The following PPIP5K1 variants were observed in gnomAD, a reference collection of about 807,000 sequenced individuals.
PPIP5K1 encodes the protein inositol hexakisphosphate and diphosphoinositol-pentakisphosphate kinase 1.
Under a neutral mutation model 27.7 loss-of-function variants are expected in PPIP5K1, and 6 were observed. The ratio of observed to expected loss-of-function variants is 0.22; its 90% CI spans 0.12 to 0.43. PPIP5K1 has a LOEUF of 0.43. Among genes scored for constraint, PPIP5K1 ranks in the 20% least tolerant of loss-of-function variants. The pLI is 1.00. For synonymous variants in PPIP5K1, 145 were observed against 242.6 expected (o/e 0.60, Z 3.74); for missense variants, 394 against 635.4 (o/e 0.62, Z 4.08).
chr15:43,579,568 CAT>C (rs2084742829), intron 10 of PPIP5K1, among the ~76,000 whole-genome samples: 1 of 56,342 alleles, frequency 1.8e-5, no homozygotes, highest in Non-Finnish European at 2.6e-5. Context: ...TATATACGTA[CAT>C]ATATACACAT....
intron 30 of PPIP5K1, among the ~76,000 whole-genome samples, chr15:43,558,332 A>T (rs2083290338): frequency 6.6e-6 from 1 of 151,092 alleles, no homozygotes; most frequent in South Asian, 2.1e-4. Flanking sequence ...GGTTCAAGCG[A>T]TTCTCCTGCC....
rs147752806 is a variant in PPIP5K1, at chr15:43,542,194, C to T, written c.3557-2611G>A. ...TGAACTACAGTTCTCACTGAAAAGG[C>T]AGAATGTTTATTTCCCTTTAATTGG... On this transcript the variant is annotated intron_variant, in intron 30 of 31. Coordinates refer to ENST00000420765, the MANE Select transcript of PPIP5K1 (RefSeq NM_001394395.1). Among the ~76,000 whole-genome samples, 495 of 151,700 alleles carry T rather than the reference C, an allele frequency of 3.3e-3. 2 individuals are homozygous for T. Among genetic ancestry groups the T allele is most frequent in the Non-Finnish European group, 6.0e-3 (408 of 67,998 alleles).
At position 43,534,214 on chromosome 15, in the gene PPIP5K1, G is replaced by GCT. The variant is rs1595663576; in HGVS notation, c.*459_*460insAG. On this transcript the variant is annotated 3_prime_UTR_variant, in exon 32 of 32. Transcript: ENST00000420765. ...TCTTTTGCATTTGCTGTCGCCAGAT[G>GCT]GTGTCTTCAGCAGTGAAGCGGCATT... The GCT allele has an allele frequency of 6.5e-6, 1 of 154,788 alleles. No individual in the cohort carries two copies. The highest frequency in any genetic ancestry group is 1.9e-4 in the East Asian group (1 of 5,228). 9.6% of individuals were successfully genotyped at this position (154,788 alleles called of 1,614,324 possible).
chr15:43,543,065 T>C (rs1425621472), intron 30 of PPIP5K1, among the ~76,000 whole-genome samples: 1 of 151,852 alleles, frequency 6.6e-6, no homozygotes, highest in Non-Finnish European at 1.5e-5. Context: ...CTTTACAACA[T>C]GCTGCAAGAT....
intron 30 of PPIP5K1, among the ~76,000 whole-genome samples, chr15:43,551,606 G>GTTTTTTTTTGTT (rs2082202023): frequency 1.9e-5 from 2 of 105,462 alleles, no homozygotes; most frequent in African/African-American, 1.0e-4. Flanking sequence ...TCTTGATTCA[G>GTTTTTTTTTGTT]TTTTTTTTTT....
intron 30 of PPIP5K1, among the ~76,000 whole-genome samples, chr15:43,552,522 T>A (rs1180732890): frequency 7.8e-6 from 1 of 127,430 alleles, no homozygotes; most frequent in Admixed American, 8.2e-5. Flanking sequence ...TGAAACTCTG[T>A]CTCTATAAAA....
intron 31 of PPIP5K1, chr15:43,536,019 G>T (rs2079797962): frequency 9.1e-7 from 1 of 1,104,426 alleles, no homozygotes; most frequent in Non-Finnish European, 1.2e-6. Context: ...ATTCTTTAAA[G>T]CAATCAATGT....
At chr15:43,539,340 T>G (rs924928254) in intron 31 of PPIP5K1, 130 bp downstream of exon 31, 8 of 705,202 alleles carry the variant, frequency 1.1e-5, no homozygotes, top group African/African-American at 1.1e-4. Flanking sequence ...CAGATGAGAC[T>G]GCTTCCCAGA....
At position 43,535,321 on chromosome 15, in the gene PPIP5K1, C is replaced by T. The variant is rs1372269679; in HGVS notation, c.3826G>A (p.Gly1276Arg). 2.5e-6 allele frequency: 4 copies of T among 1,614,182 alleles called. No individual in the cohort carries two copies. The East Asian group carries it at 6.7e-5, about 27-fold the overall frequency. ...QGLGLLQETPGSGAQELSIEG... is the reference protein window; with the variant it reads ...QGLGLLQETPRSGAQELSIEG... Reference sequence around the variant, plus strand: ...ATGGAGAGCTCTTGTGCTCCACTCCCAGGGGTCTCCTGGAGCAGCCCAAGG... The same window carrying T: ...ATGGAGAGCTCTTGTGCTCCACTCCTAGGGGTCTCCTGGAGCAGCCCAAGG... Residue 1276 changes from glycine (G) to arginine (R), a missense_variant, in exon 32 of 32, where the codon GGG becomes AGG. Gly to Arg is a moderately radical substitution (Grantham distance 125). Coordinates refer to ENST00000420765, the MANE Select transcript of PPIP5K1 (RefSeq NM_001394395.1).
chr15:43,546,975 A>G (rs1463004642), intron 30 of PPIP5K1, among the ~76,000 whole-genome samples: 1 of 152,164 alleles, frequency 6.6e-6, no homozygotes, highest in Non-Finnish European at 1.5e-5. Flanking sequence ...TAATTTTTTG[A>G]GGAACAAACT....
intron 30 of PPIP5K1, among the ~76,000 whole-genome samples, chr15:43,540,555 G>A (rs900936899): frequency 2.0e-5 from 3 of 151,704 alleles, no homozygotes; most frequent in African/African-American, 7.3e-5. Context: ...AAATTAGCCG[G>A]GTGTAGTGGC....
chr15:43,534,327 C>G lies in PPIP5K1; in HGVS notation c.*347G>C. 5.2e-6 allele frequency: 1 copy of G among 192,442 alleles called. No individual in the cohort carries two copies. Among genetic ancestry groups the G allele is most frequent in the Non-Finnish European group, 1.1e-5 (1 of 94,470 alleles). 11.9% of individuals were successfully genotyped at this position (192,442 alleles called of 1,614,324 possible). Reference sequence around the variant, plus strand: ...CACCCCAAGGAAATCCTATTCAAGTCTAATGGCTAAGTGAGGAGCCAATGG... The same window carrying G: ...CACCCCAAGGAAATCCTATTCAAGTGTAATGGCTAAGTGAGGAGCCAATGG... On this transcript the variant is annotated 3_prime_UTR_variant, in exon 32 of 32. Coordinates refer to ENST00000420765, the MANE Select transcript of PPIP5K1 (RefSeq NM_001394395.1).
chr15:43,535,014 G>C lies in PPIP5K1; in HGVS notation c.4133C>G (p.Ser1378Cys). Residue 1378 changes from serine to cysteine, a missense_variant, in exon 32 of 32, where the codon TCT becomes TGT. Transcript: ENST00000420765. ...CAGACATAGCTGGCAAACTTCCTCA[G>C]AGACTTTCTGGCACAGTTGGCTGGA... ...QKSSQLCQKV[S>C]EEVCQLCLEN... is the part of the protein sequence containing the mutation. The C allele has an allele frequency of 6.2e-7, 1 of 1,613,848 alleles. No individual in the cohort carries two copies. The highest frequency in any genetic ancestry group is 8.5e-7 in the Non-Finnish European group (1 of 1,179,934).
At chr15:43,557,865 C>G (rs1448652700) in intron 30 of PPIP5K1, among the ~76,000 whole-genome samples, 3 of 133,978 alleles carry the variant, frequency 2.2e-5, no homozygotes, top group African/African-American at 5.6e-5. Context: ...AGATGGGGGT[C>G]TCACTATGTT....
At position 43,535,185 on chromosome 15, in the gene PPIP5K1, A is replaced by C; in HGVS notation, c.3962T>G (p.Ile1321Ser). Residue 1321 changes from isoleucine (I) to serine (S), a missense_variant, in exon 32 of 32, where the codon ATC becomes AGC. This residue lies in a region of PPIP5K1 where 379 missense variants were observed against 423.9 expected (regional missense o/e 0.89). Coordinates refer to ENST00000420765, the MANE Select transcript of PPIP5K1 (RefSeq NM_001394395.1). ...VSQPCQEVPDISQPCQDISEA... is the reference protein window; with the variant it reads ...VSQPCQEVPDSSQPCQDISEA... ...AGAAATGTCCTGGCATGGCTGGCTG[A>C]TGTCAGGGACCTCCTGACATGGCTG... is the stretch of plus-strand genomic sequence containing the variant. 6.2e-7 allele frequency: 1 copy of C among 1,612,948 alleles called. No homozygotes were observed. Among genetic ancestry groups the C allele is most frequent in the South Asian group, 1.1e-5 (1 of 91,022 alleles).
chr15:43,552,394 G>C (rs1370591062), intron 30 of PPIP5K1, among the ~76,000 whole-genome samples: 1 of 151,518 alleles, frequency 6.6e-6, no homozygotes, highest in Admixed American at 6.6e-5. Context: ...GTTCTTCTTC[G>C]ACTCATTTGT....
At chr15:43,579,631 G>GTATATATA (rs1377430959) in intron 10 of PPIP5K1, among the ~76,000 whole-genome samples, 1 of 35,720 alleles carries the variant, frequency 2.8e-5, no homozygotes, top group Non-Finnish European at 3.9e-5. Flanking sequence ...GTGTGTGTGT[G>GTATATATA]TATATATATA....
chr15:43,558,710 G>C (rs2083369165), intron 30 of PPIP5K1, 85 bp downstream of exon 30: 3 of 1,554,280 alleles, frequency 1.9e-6, no homozygotes, highest in South Asian at 1.1e-5. Flanking sequence ...TGCCTAACTA[G>C]CTTTCTAATT....
chr15:43,557,829 CTTTT>C (rs749398933), intron 30 of PPIP5K1, among the ~76,000 whole-genome samples: 1 of 125,806 alleles, frequency 7.9e-6, no homozygotes, highest in Admixed American at 8.2e-5. Flanking sequence ...CATGCATAGC[CTTTT>C]TTTTTTTTTT....
Sources: allele counts gnomAD v4.1 joint callset (sites outside exome capture counted in the v4.1 genomes callset), GRCh38; gene constraint gnomAD v4.1.1; regional missense constraint gnomAD v4.1.1; transcripts MANE v1.5; gene names NCBI Gene and HGNC (gene_info 2026-07-23, HGNC 2026-07-21).